ULK4: variants seen among roughly 807,000 people sequenced by gnomAD.
ULK4 encodes the protein unc-51 like kinase 4.
A neutral mutation model predicts 160.6 loss-of-function variants in ULK4; 133 were observed. That is an observed-to-expected ratio of 0.83 (90% CI 0.72 to 0.96). ULK4 has a LOEUF of 0.96. Ranked by LOEUF, ULK4 falls within the 40% of genes least tolerant of loss-of-function variation. The pLI, the probability that ULK4 is intolerant of heterozygous loss-of-function variation, is 0.00. For synonymous variants in ULK4, 534 were observed against 539.8 expected (o/e 0.99, Z 0.15); for missense variants, 1,580 against 1,499.5 (o/e 1.05, Z -0.89).
intron 19 of ULK4, among the ~76,000 whole-genome samples, chr3:41,804,998 A>C (rs543709759): frequency 5.9e-5 from 9 of 152,116 alleles, no homozygotes; most frequent in Non-Finnish European, 1.3e-4. Context: ...AATTTAAAGT[A>C]GTTTTTTCAA....
chr3:41,460,223 C>A (rs977808308), intron 33 of ULK4, among the ~76,000 whole-genome samples: 1 of 152,162 alleles, frequency 6.6e-6, no homozygotes, highest in African/African-American at 2.4e-5. Flanking sequence ...AATGGTCCTA[C>A]TATCAGGAGG....
rs566653909 is a variant in ULK4 at position 41,290,838 on chromosome 3, C to T, written c.3679-41264G>A. Among the ~76,000 whole-genome samples, 74 of 152,316 alleles carry T rather than the reference C, an allele frequency of 4.9e-4. 1 individual carries two copies. The highest frequency in any genetic ancestry group is 1.8e-3 in the Admixed American group (27 of 15,308). On this transcript the variant is annotated intron_variant, in intron 35 of 36. Coordinates refer to ENST00000301831, the MANE Select transcript of ULK4 (RefSeq NM_017886.4). Reference sequence around the variant, plus strand: ...TGCCTGTATGCAGGAATCCTGAAAACTATAATTCCCTGACTCCCATGCCAG... The same window carrying T: ...TGCCTGTATGCAGGAATCCTGAAAATTATAATTCCCTGACTCCCATGCCAG...
chr3:41,420,543 T>A (rs1354415786), intron 34 of ULK4, among the ~76,000 whole-genome samples: 1 of 128,810 alleles, frequency 7.8e-6, no homozygotes, highest in Non-Finnish European at 1.6e-5. Context: ...AGTGCAGTGG[T>A]GCAATCTCGG....
chr3:41,351,318 C>T (rs565287401), intron 35 of ULK4, among the ~76,000 whole-genome samples: 1 of 152,284 alleles, frequency 6.6e-6, no homozygotes, highest in South Asian at 2.1e-4. Flanking sequence ...GCATGTGAGA[C>T]AGACATTAAT....
chr3:41,617,075 T>C (rs2033011479), intron 30 of ULK4, among the ~76,000 whole-genome samples: 1 of 152,140 alleles, frequency 6.6e-6, no homozygotes, highest in Non-Finnish European at 1.5e-5. Context: ...GGGCAGGGCA[T>C]CTCTGAGGAA....
At chr3:41,461,821 A>G (rs1495704) in intron 33 of ULK4, among the ~76,000 whole-genome samples, 80,617 of 151,984 alleles carry the variant, frequency 0.53, 21,472 homozygotes, top group East Asian at 0.67. Context: ...TATCCTGTAA[A>G]AGTAACTATC....
At chr3:41,581,176 C>T (rs1362990730) in intron 31 of ULK4, among the ~76,000 whole-genome samples, 1 of 151,552 alleles carries the variant, frequency 6.6e-6, no homozygotes, top group Non-Finnish European at 1.5e-5. Context: ...TCTTCACTCC[C>T]CCAAGGAATC....
At chr3:41,264,031 T>C (rs1168055796) in intron 35 of ULK4, among the ~76,000 whole-genome samples, 2 of 152,068 alleles carry the variant, frequency 1.3e-5, no homozygotes, top group Admixed American at 1.3e-4. Context: ...AGAAGAACAA[T>C]GGTGTGAGGT....
intron 12 of ULK4, among the ~76,000 whole-genome samples, chr3:41,907,297 A>AT (rs1310471821): frequency 1.2e-5 from 1 of 81,088 alleles, no homozygotes; most frequent in African/African-American, 2.8e-5. Context: ...GTACCCTTTT[A>AT]TTTATTTTTT....
At chr3:41,726,644 C>T (rs755110646) in intron 22 of ULK4, among the ~76,000 whole-genome samples, 7 of 152,152 alleles carry the variant, frequency 4.6e-5, no homozygotes, top group Admixed American at 2.6e-4. Context: ...GAGACAGAGT[C>T]TTACTCCATC....
intron 18 of ULK4, among the ~76,000 whole-genome samples, chr3:41,828,385 T>C (rs568285244): frequency 6.7e-6 from 1 of 150,360 alleles, no homozygotes; most frequent in Admixed American, 6.7e-5. Context: ...GACATGATTG[T>C]ATATCTAGAA....
intron 31 of ULK4, among the ~76,000 whole-genome samples, chr3:41,600,089 A>G (rs13064985): frequency 6.6e-6 from 1 of 152,226 alleles, no homozygotes; most frequent in South Asian, 2.1e-4. Context: ...ATAGCTTTCC[A>G]AGGCTCATCA....
At chr3:41,698,382 C>T (rs2036567464) in intron 27 of ULK4, among the ~76,000 whole-genome samples, 1 of 152,130 alleles carries the variant, frequency 6.6e-6, no homozygotes, top group South Asian at 2.1e-4. Flanking sequence ...CCACCTCAGC[C>T]TCCCAAGTAG....
chr3:41,453,177 T>G (rs1182846519), intron 34 of ULK4, among the ~76,000 whole-genome samples: 3 of 152,186 alleles, frequency 2.0e-5, no homozygotes, highest in Non-Finnish European at 4.4e-5. Context: ...TTTTGTTTTT[T>G]GTTTTTTTGA....
At chr3:41,725,733 T>C (rs1173894248) in intron 22 of ULK4, among the ~76,000 whole-genome samples, 4 of 152,220 alleles carry the variant, frequency 2.6e-5, no homozygotes, top group African/African-American at 9.6e-5. Flanking sequence ...TGTCTCCTCA[T>C]AGGCCTGACT....
At chr3:41,341,864 A>T (rs1336151747) in intron 35 of ULK4, among the ~76,000 whole-genome samples, 2 of 152,230 alleles carry the variant, frequency 1.3e-5, no homozygotes, top group Non-Finnish European at 2.9e-5. Context: ...AATATACTTT[A>T]GAATTTCTAA....
chr3:41,806,235 T>G (rs1424152558), intron 19 of ULK4, among the ~76,000 whole-genome samples: 2 of 149,632 alleles, frequency 1.3e-5, no homozygotes, highest in African/African-American at 2.5e-5. Flanking sequence ...GTCGAGGAAT[T>G]TATCCATTGC....
chr3:41,731,981 G>C (rs910584800), intron 22 of ULK4, among the ~76,000 whole-genome samples: 1 of 152,098 alleles, frequency 6.6e-6, no homozygotes, highest in Non-Finnish European at 1.5e-5. Flanking sequence ...CAAAAATCAA[G>C]TCAAAATGGA....
chr3:41,568,170 A>G (rs2087850250), intron 31 of ULK4, among the ~76,000 whole-genome samples: 2 of 152,226 alleles, frequency 1.3e-5, no homozygotes, highest in Non-Finnish European at 2.9e-5. Context: ...CCCTGCCCTT[A>G]TGGTGTTTAC....
Sources: allele counts gnomAD v4.1 joint callset (sites outside exome capture counted in the v4.1 genomes callset), GRCh38; gene constraint gnomAD v4.1.1; transcripts MANE v1.5; gene names NCBI Gene and HGNC (gene_info 2026-07-23, HGNC 2026-07-21).